The following GSN variants were observed in gnomAD, a reference collection of about 807,000 sequenced individuals.
GSN encodes the protein gelsolin, also known as actin-depolymerizing factor.
In GSN, 56 loss-of-function variants were observed where a neutral mutation model predicts 85.7. The ratio of observed to expected loss-of-function variants is 0.65; its 90% confidence interval spans 0.53 to 0.82. The LOEUF (loss-of-function observed/expected upper bound fraction) is 0.82. Among genes scored for constraint, GSN ranks in the 40% least tolerant of loss-of-function variants. The pLI is 0.00. For missense variants in GSN, 857 were observed against 979.8 expected (o/e 0.87, Z 1.67); for synonymous variants, 373 against 399.1 (o/e 0.93, Z 0.78).
chr9:121,206,106 A>G (rs1023587706), upstream of GSN, among the ~76,000 whole-genome samples: 42 of 152,106 alleles, frequency 2.8e-4, no homozygotes, highest in African/African-American at 8.2e-4. Flanking sequence ...ATTTAGAAGA[A>G]CTAATACAAT....
At chr9:121,244,394 T>C (rs1415886152) in intron 5 of GSN, among the ~76,000 whole-genome samples, 1 of 152,250 alleles carries the variant, frequency 6.6e-6, no homozygotes, top group Admixed American at 6.5e-5. Context: ...TATTGCATGT[T>C]ACATTTTATA....
At chr9:121,244,022 C>A (rs1000730870) in intron 5 of GSN, among the ~76,000 whole-genome samples, 8 of 152,332 alleles carry the variant, frequency 5.3e-5, no homozygotes, top group African/African-American at 1.9e-4. Context: ...CTTGGCTTAG[C>A]CCCTGGCAAC....
chr9:121,220,047 A>C (rs1302434395), intron 4 of GSN, among the ~76,000 whole-genome samples: 3 of 152,028 alleles, frequency 2.0e-5, no homozygotes, highest in Non-Finnish European at 4.4e-5. Flanking sequence ...GCGCCTGGCT[A>C]ATTTTTAGTA....
chr9:121,324,514 C>T (rs2062903955), intron 11 of GSN, 40 bp from the exon 12 acceptor site: 2 of 1,028,706 alleles, frequency 1.9e-6, no homozygotes, highest in Non-Finnish European at 3.0e-6. Context: ...GCTCAGGGCT[C>T]TGTGTGCACC....
chr9:121,298,086 A>T (rs955690014), intron 2 of GSN, among the ~76,000 whole-genome samples: 13 of 152,066 alleles, frequency 8.5e-5, no homozygotes, highest in African/African-American at 2.4e-4. Flanking sequence ...CGGAGAACTC[A>T]GGTATCCCTC....
intron 5 of GSN, among the ~76,000 whole-genome samples, chr9:121,234,033 T>C (rs903889949): frequency 3.3e-5 from 5 of 152,178 alleles, no homozygotes; most frequent in Non-Finnish European, 7.3e-5. Context: ...TTCTTTATGC[T>C]TTTTTTATGC....
chr9:121,299,685 G>T lies in GSN; in HGVS notation c.-9-2278G>T. 1 of 780,238 alleles carries T rather than the reference G, an allele frequency of 1.3e-6. No homozygotes were observed. Among genetic ancestry groups the T allele is most frequent in the Non-Finnish European group, 1.7e-6 (1 of 602,428 alleles). 48.3% of individuals were successfully genotyped at this position (780,238 alleles called of 1,614,324 possible). A position where few individuals can be genotyped will look rare whatever the true frequency, so the allele number is the denominator to read the frequency against. ...GGAGCTGGGGTGCAGGGGCTGCCGCGCCCTGTCGGGTCGATCCGGGTGGGA... is the reference window on the plus strand; with the variant it reads ...GGAGCTGGGGTGCAGGGGCTGCCGCTCCCTGTCGGGTCGATCCGGGTGGGA... On this transcript the variant is annotated intron_variant, in intron 2 of 17. Coordinates refer to ENST00000432226, the MANE Select transcript of GSN (RefSeq NM_198252.3). This position sits in a 1 kb window ranked among gnomAD's most constrained non-coding sequence, Gnocchi z 4.2.
intron 4 of GSN, among the ~76,000 whole-genome samples, chr9:121,222,631 G>A (rs2054190778): frequency 6.6e-6 from 1 of 152,186 alleles, no homozygotes; most frequent in African/African-American, 2.4e-5. Flanking sequence ...TCTAGGGGGC[G>A]TATCTGAGTC....
chr9:121,331,411 T>A lies in GSN; in HGVS notation c.1989T>A (p.Asp663Glu). 6.3e-7 allele frequency: 1 copy of A among 1,596,638 alleles called. No individual in the cohort carries two copies. The highest frequency in any genetic ancestry group is 1.1e-5 in the South Asian group (1 of 90,204). ...WDQVFVWVGK[D>E]SQEEEKTEAL... The stretch of plus-strand genomic sequence containing the variant: ...AGGTCTTTGTCTGGGTTGGAAAGGA[T>A]TCTCAAGAAGAAGAAAAGACAGAAG... The change falls in exon 17 of 18, where the codon GAT becomes GAA. Residue 663 changes from aspartate (D) to glutamate (E), a missense_variant. Transcript: ENST00000432226.
At chr9:121,236,577 C>T (rs764650918) in intron 5 of GSN, among the ~76,000 whole-genome samples, 12 of 152,110 alleles carry the variant, frequency 7.9e-5, no homozygotes, top group South Asian at 2.1e-4. Flanking sequence ...TGACTTCCCC[C>T]GTACCCTACA....
In GSN at chr9:121,329,155, T is replaced by C; in HGVS notation, c.1888-83T>C. On this transcript the variant is annotated intron_variant, in intron 15 of 17. Coordinates refer to ENST00000432226, the MANE Select transcript of GSN (RefSeq NM_198252.3). This position sits in a 1 kb window ranked among gnomAD's most constrained non-coding sequence, Gnocchi z 4.6. ...GCCCCCTGCCAGCTGCAGCCAGCTG[T>C]GCCACTCCCTCAGGGGGCAGATAAA... 2 of 1,457,114 alleles carry C rather than the reference T, an allele frequency of 1.4e-6. No individual in the cohort carries two copies. The highest frequency in any genetic ancestry group is 1.9e-6 in the Non-Finnish European group (2 of 1,040,352). The allele number at this position is 1,457,114 out of a possible 1,614,324, so 90.3% of individuals were successfully genotyped here.
intron 7 of GSN, among the ~76,000 whole-genome samples, chr9:121,315,386 G>C (rs1160920123): frequency 6.6e-6 from 1 of 152,144 alleles, no homozygotes; most frequent in Non-Finnish European, 1.5e-5. Context: ...TGGTGCACTT[G>C]TGCTAAGTAC....
chr9:121,327,174 C>G, intron 13 of GSN, 134 bp from the exon 14 acceptor site: 1 of 815,134 alleles, frequency 1.2e-6, no homozygotes, highest in South Asian at 1.4e-5. Context: ...AAGTCTGTGC[C>G]CTCAGCTCTG....
intron 5 of GSN, among the ~76,000 whole-genome samples, chr9:121,247,869 C>CCA (rs2054732507): frequency 6.8e-6 from 1 of 146,860 alleles, no homozygotes; most frequent in South Asian, 2.2e-4. Flanking sequence ...CCTCACCCCC[C>CCA]CACCCCACCA....
In GSN at chr9:121,331,422, A is replaced by G. The variant is rs775835058; in HGVS notation, c.2000A>G (p.Glu667Gly). The change falls in exon 17 of 18, where the codon GAA becomes GGA. Residue 667 changes from glutamate (E) to glycine (G), a missense_variant. Transcript: ENST00000432226. ...TGGGTTGGAAAGGATTCTCAAGAAGAAGAAAAGACAGAAGCCTTGACTTCT... is the reference window on the plus strand; with the variant it reads ...TGGGTTGGAAAGGATTCTCAAGAAGGAGAAAAGACAGAAGCCTTGACTTCT... ...FVWVGKDSQE[E>G]EKTEALTSAK... 2 of 1,595,388 alleles carry G rather than the reference A, an allele frequency of 1.3e-6. No individual in the cohort carries two copies. The highest frequency in any genetic ancestry group is 3.4e-5 in the Admixed American group (2 of 59,166).
chr9:121,278,483 C>T (rs1034587033), intron 1 of GSN, among the ~76,000 whole-genome samples: 11 of 152,166 alleles, frequency 7.2e-5, no homozygotes, highest in African/African-American at 2.7e-4. Flanking sequence ...CAGAAAGCTC[C>T]TTTTTAGCCA....
In GSN at chr9:121,261,633, G is replaced by GT. The variant is rs1437790850; in HGVS notation, c.-340-3515dup. On this transcript the variant is annotated intron_variant, in intron 6 of 24. Coordinates refer to the GSN transcript ENST00000373823. This position sits in a 1 kb window ranked among gnomAD's most constrained non-coding sequence, Gnocchi z 4.1. The stretch of plus-strand genomic sequence containing the variant: ...GCATCCATGAATATGGTTTCCTCCC[G>GT]TTTTTTATAAGACCCATCCATCTTG... Among the ~76,000 whole-genome samples, 1 of 152,170 alleles carries GT rather than the reference G, an allele frequency of 6.6e-6. No individual in the cohort carries two copies. Among genetic ancestry groups the GT allele is most frequent in the African/African-American group, 2.4e-5 (1 of 41,426 alleles).
At chr9:121,222,358 TGA>T (rs1228337444) in intron 4 of GSN, 1 of 152,180 alleles carries the variant, frequency 6.6e-6, no homozygotes, top group Non-Finnish European at 1.5e-5. Context: ...AAATATAAAA[TGA>T]GTGCTTGTCA....
intron 7 of GSN, among the ~76,000 whole-genome samples, chr9:121,316,556 G>A (rs951207282): frequency 6.6e-6 from 1 of 151,910 alleles, no homozygotes; most frequent in Non-Finnish European, 1.5e-5. Flanking sequence ...CTATAGCCCC[G>A]ACATCCTGGG....
Sources: gnomAD v4.1 joint callset for allele counts (sites outside exome capture counted in the v4.1 genomes callset) on GRCh38, gnomAD v4.1.1 for gene constraint, Gnocchi (gnomAD v3.1) non-coding constraint, MANE v1.5 for transcripts, NCBI Gene and HGNC (gene_info 2026-07-23, HGNC 2026-07-21) for gene names.